The following ACACA variants were observed in gnomAD, a reference collection of about 807,000 sequenced individuals.
ACACA encodes the protein acetyl-CoA carboxylase alpha.
ACACA carries 103 observed loss-of-function variants against 296.1 expected under a neutral mutation model. The observed-to-expected ratio is 0.35, with a 90% CI of 0.30 to 0.41. The LOEUF (loss-of-function observed/expected upper bound fraction) is 0.41, where lower values mean the gene tolerates loss of function less well. Ranked by LOEUF, ACACA falls within the 10% of genes least tolerant of loss-of-function variation. The pLI, the probability that ACACA is intolerant of heterozygous loss-of-function variation, is 1.00. For synonymous variants in ACACA, 953 were observed against 1,038.6 expected, an observed-to-expected ratio of 0.92 and a Z score of 1.58; for missense variants, 1,554 against 2,989.7, an observed-to-expected ratio of 0.52 and a Z score of 11.20.
rs1207182702 is a variant in ACACA at position 37,119,984 on chromosome 17, C to T, written c.6274+1371G>A. Among the ~76,000 whole-genome samples the T allele has an allele frequency of 2.6e-5, 4 of 151,344 alleles. No individual in the cohort carries two copies. In the East Asian group the frequency reaches 7.8e-4, roughly 29 times the overall value. ...CTCGGCTCACTGCAACCTCTGCCTC[C>T]TGGGTTCAAGTGATTCTCCTGCCTC... On this transcript the variant is annotated intron_variant, in intron 50 of 55. Transcript: ENST00000616317.
At chr17:37,366,784 TA>T (rs113396306) in intron 1 of ACACA, among the ~76,000 whole-genome samples, 23,753 of 149,722 alleles carry the variant, frequency 0.16, 5,096 homozygotes, top group African/African-American at 0.49. Flanking sequence ...CACGTCTTTT[TA>T]AAAAAAAAAT....
chr17:37,339,858 G>GT lies in ACACA; in HGVS notation c.39-9_39-8insA. The GT allele has an allele frequency of 8.2e-7, 1 of 1,226,120 alleles. No homozygotes were observed. Among genetic ancestry groups the GT allele is most frequent in the South Asian group, 1.3e-5 (1 of 77,834 alleles). The allele number at this position is 1,226,120 out of a possible 1,614,324, so 76.0% of individuals were successfully genotyped here. A position where few individuals can be genotyped will look rare whatever the true frequency, so the allele number is the denominator to read the frequency against. On this transcript the variant is annotated splice_polypyrimidine_tract_variant and intron_variant, in intron 1 of 55. Transcript: ENST00000616317. Reference sequence around the variant, plus strand: ...ATCCACTTCCAAAAAGACCTAGAGAGAAAGAGAAAGATTTTAAGGTTTTTT... The same window carrying GT: ...ATCCACTTCCAAAAAGACCTAGAGAGTAAAGAGAAAGATTTTAAGGTTTTTT...
At chr17:37,388,577 C>G (rs927599404) in intron 1 of ACACA, 2 of 1,432,924 alleles carry the variant, frequency 1.4e-6, no homozygotes, top group African/African-American at 2.8e-5. Flanking sequence ...CTCTAATAGT[C>G]TTGTGAGCCA....
At chr17:37,373,886 G>A (rs1166151949) in intron 1 of ACACA, among the ~76,000 whole-genome samples, 1 of 152,162 alleles carries the variant, frequency 6.6e-6, no homozygotes, top group African/African-American at 2.4e-5. Flanking sequence ...CCCAAGGAAG[G>A]CAATGGAGCC....
intron 33 of ACACA, among the ~76,000 whole-genome samples, chr17:37,204,038 A>G (rs541011782): frequency 1.3e-5 from 2 of 152,258 alleles, no homozygotes; most frequent in East Asian, 3.9e-4. Context: ...CTAGATATCT[A>G]CCATTGGCAT....
At position 37,130,054 on chromosome 17, in the gene ACACA, T is replaced by A. The variant is rs755544441; in HGVS notation, c.5823+21A>T. 7 of 1,613,844 alleles carry A rather than the reference T, an allele frequency of 4.3e-6. No individual in the cohort carries two copies. In the East Asian group the frequency reaches 1.3e-4, roughly 31 times the overall value. ...TGACAGGCTCTGCAGGCCATGTCAG[T>A]GCTGGGTAGGAAGGGCTCACCTTGG... On this transcript the variant is annotated intron_variant, in intron 46 of 55. Transcript: ENST00000616317.
rs770751000 is a variant in ACACA, at chr17:37,245,134, G to T, written c.2541C>A (p.Asp847Glu). The change falls in exon 20 of 56, where the codon GAC (aspartate) becomes GAA (glutamate). Residue 847 changes from aspartate to glutamate, a missense_variant. By Grantham distance (45) the Asp-to-Glu change is conservative (BLOSUM62 2). Coordinates refer to ENST00000616317, the MANE Select transcript of ACACA (RefSeq NM_198834.3). ...GCATTTTGGCTAGTACACAGCCAGG[G>T]TCAAGAGCTGCTCCAGGTCGCTTGA... ...HYVKRPGAALDPGCVLAKMQL... is the reference protein window; with the variant it reads ...HYVKRPGAALEPGCVLAKMQL... 1 of 1,614,162 alleles carries T rather than the reference G, an allele frequency of 6.2e-7. No individual in the cohort carries two copies. Among genetic ancestry groups the T allele is most frequent in the South Asian group, 1.1e-5 (1 of 91,080 alleles).
At chr17:37,188,256 G>A (rs373391119) in intron 39 of ACACA, 21 bp downstream of exon 39, 2 of 1,610,400 alleles carry the variant, frequency 1.2e-6, no homozygotes, top group African/African-American at 1.3e-5. Flanking sequence ...AAACTCTGAG[G>A]AGCCTGTTTG....
chr17:37,304,422 A>G (rs969392604), intron 3 of ACACA, among the ~76,000 whole-genome samples: 5 of 152,176 alleles, frequency 3.3e-5, no homozygotes, highest in African/African-American at 1.2e-4. Flanking sequence ...TCCCAAAAGC[A>G]CTGGGATTAC....
intron 25 of ACACA, among the ~76,000 whole-genome samples, chr17:37,231,859 A>T (rs2079874315): frequency 6.6e-6 from 1 of 152,250 alleles, no homozygotes; most frequent in Admixed American, 6.5e-5. Flanking sequence ...CTAAGCAAAC[A>T]TAAACAATGT....
intron 1 of ACACA, among the ~76,000 whole-genome samples, chr17:37,372,345 G>A (rs1235272295): frequency 6.6e-6 from 1 of 151,460 alleles, no homozygotes; most frequent in Admixed American, 6.6e-5. Context: ...CCCAGGAGGC[G>A]GAGCTTGCAG....
intron 51 of ACACA, among the ~76,000 whole-genome samples, chr17:37,112,475 A>G (rs2074029477): frequency 6.6e-6 from 1 of 152,234 alleles, no homozygotes; most frequent in South Asian, 2.1e-4. Context: ...GTCCAAATAT[A>G]ACAAGAGGCA....
At chr17:37,340,431 C>T (rs1181226155) in intron 1 of ACACA, among the ~76,000 whole-genome samples, 1 of 152,164 alleles carries the variant, frequency 6.6e-6, no homozygotes, top group African/African-American at 2.4e-5. Context: ...GAATCACCTG[C>T]GGAGCTTTTA....
chr17:37,384,133 G>A (rs2050425456), intron 1 of ACACA, among the ~76,000 whole-genome samples: 1 of 152,170 alleles, frequency 6.6e-6, no homozygotes, highest in Admixed American at 6.5e-5. Context: ...GTGTAGTGGT[G>A]TGCGCCTGTT....
chr17:37,373,174 C>T (rs1031077196), intron 1 of ACACA, among the ~76,000 whole-genome samples: 4 of 151,960 alleles, frequency 2.6e-5, no homozygotes, highest in Non-Finnish European at 5.9e-5. Context: ...CCACGGTGCC[C>T]GGCCTACTCC....
chr17:37,404,606 ACT>A (rs2051403318), intron 1 of ACACA, among the ~76,000 whole-genome samples: 1 of 114,598 alleles, frequency 8.7e-6, no homozygotes, highest in Admixed American at 1.1e-4. Flanking sequence ...ATGCAGTTTC[ACT>A]CTGTTGCCCA....
chr17:37,261,308 G>A (rs1239252262), intron 11 of ACACA, among the ~76,000 whole-genome samples: 2 of 152,162 alleles, frequency 1.3e-5, no homozygotes, highest in Non-Finnish European at 2.9e-5. Flanking sequence ...ATTAAATCAA[G>A]GCAAGAGAGA....
At chr17:37,180,404 A>G (rs2077274048) in intron 40 of ACACA, among the ~76,000 whole-genome samples, 1 of 152,224 alleles carries the variant, frequency 6.6e-6, no homozygotes, top group African/African-American at 2.4e-5. Context: ...ACGGCTACAT[A>G]TATTACTTTA....
intron 25 of ACACA, among the ~76,000 whole-genome samples, chr17:37,229,153 A>G (rs1327446940): frequency 6.6e-6 from 1 of 151,922 alleles, no homozygotes; most frequent in East Asian, 1.9e-4. Context: ...CAAAAAAAAA[A>G]AAAAAGCACA....
Sources: allele counts gnomAD v4.1 joint callset (sites outside exome capture counted in the v4.1 genomes callset), GRCh38; gene constraint gnomAD v4.1.1; transcripts MANE v1.5; gene names NCBI Gene and HGNC (gene_info 2026-07-23, HGNC 2026-07-21).